IQCJ: variants seen among roughly 807,000 people sequenced by gnomAD.
IQCJ encodes IQ domain-containing protein J.
IQCJ carries 9 observed loss-of-function variants against 11.0 expected under a neutral mutation model. The observed-to-expected ratio is 0.82, with a 90% CI of 0.49 to 1.43. IQCJ has a LOEUF of 1.43. Ranked by LOEUF, IQCJ falls within the 40% of genes most tolerant of loss-of-function variation. The pLI, the probability that IQCJ is intolerant of heterozygous loss-of-function variation, is 0.00. For synonymous variants in IQCJ, 55 were observed against 51.3 expected (o/e 1.07, Z -0.31); for missense variants, 146 against 133.2 (o/e 1.10, Z -0.47).
intron 2 of IQCJ, among the ~76,000 whole-genome samples, chr3:159,248,713 T>C (rs1033047388): frequency 1.3e-5 from 2 of 152,170 alleles, no homozygotes; most frequent in Admixed American, 1.3e-4. Flanking sequence ...GGAGTTGGGG[T>C]TGAGAACCAG....
intron 1 of IQCJ, among the ~76,000 whole-genome samples, chr3:159,082,298 C>T (rs1310100458): frequency 6.6e-6 from 1 of 151,572 alleles, no homozygotes; most frequent in African/African-American, 2.4e-5. Context: ...GATTGTGCTT[C>T]TATTTGCTTT....
chr3:159,160,390 C>T (rs1721770119), intron 1 of IQCJ, among the ~76,000 whole-genome samples: 1 of 151,360 alleles, frequency 6.6e-6, no homozygotes, highest in South Asian at 2.1e-4. Context: ...GCAACCTCTG[C>T]CTCTGGGGTT....
intron 2 of IQCJ, among the ~76,000 whole-genome samples, chr3:159,247,759 G>C (rs1727357648): frequency 6.6e-6 from 1 of 152,176 alleles, no homozygotes; most frequent in Admixed American, 6.5e-5. Context: ...GGGGGAGAAG[G>C]GTTCTAGTTT....
chr3:159,143,339 A>G (rs947262027), intron 1 of IQCJ, among the ~76,000 whole-genome samples: 2 of 152,198 alleles, frequency 1.3e-5, no homozygotes, highest in South Asian at 2.1e-4. Flanking sequence ...GGTTCTTTCT[A>G]TTCTTGAAGA....
At chr3:159,264,330 G>C (rs1728384696), downstream of IQCJ, among the ~76,000 whole-genome samples, 2 of 152,092 alleles carry the variant, frequency 1.3e-5, no homozygotes. Flanking sequence ...TAAGTGTTTT[G>C]TGCATAAATG....
At chr3:159,243,758 A>C (rs1199699707) in intron 1 of IQCJ, among the ~76,000 whole-genome samples, 2 of 152,186 alleles carry the variant, frequency 1.3e-5, no homozygotes, top group Admixed American at 1.3e-4. Flanking sequence ...TGTAAATTAT[A>C]CTCCAATTAA....
At chr3:159,069,570 T>G (rs1357641612) in intron 1 of IQCJ, 129 bp downstream of exon 1, 17 of 1,342,126 alleles carry the variant, frequency 1.3e-5, no homozygotes, top group Non-Finnish European at 1.7e-5. Context: ...TATAGAACAG[T>G]GTGGGCTTAA....
At chr3:159,160,081 A>G (rs560921872) in intron 1 of IQCJ, among the ~76,000 whole-genome samples, 60 of 152,326 alleles carry the variant, frequency 3.9e-4, no homozygotes, top group African/African-American at 1.4e-3. Context: ...AATGACATAA[A>G]GCTATCAAGA....
At chr3:159,072,267 G>C (rs1451324116) in intron 1 of IQCJ, among the ~76,000 whole-genome samples, 1 of 152,052 alleles carries the variant, frequency 6.6e-6, no homozygotes, top group Non-Finnish European at 1.5e-5. Context: ...AGTTAGGGTG[G>C]GGAGGGCATG....
intron 1 of IQCJ, among the ~76,000 whole-genome samples, chr3:159,214,668 T>G: frequency 6.6e-6 from 1 of 152,204 alleles, no homozygotes; most frequent in East Asian, 1.9e-4. Flanking sequence ...CCCTATAACA[T>G]AGGCCCTTTC....
At chr3:159,154,026 C>T (rs1413000992) in intron 1 of IQCJ, among the ~76,000 whole-genome samples, 1 of 152,142 alleles carries the variant, frequency 6.6e-6, no homozygotes, top group Non-Finnish European at 1.5e-5. Context: ...AATGAATTAG[C>T]CATAATAAAT....
intron 1 of IQCJ, among the ~76,000 whole-genome samples, chr3:159,125,900 G>T (rs552472520): frequency 6.6e-6 from 1 of 152,152 alleles, no homozygotes; most frequent in Non-Finnish European, 1.5e-5. Flanking sequence ...TTCCAACCAG[G>T]TTGGAGAAGG....
chr3:159,152,235 G>A (rs1025571391), intron 1 of IQCJ, among the ~76,000 whole-genome samples: 5 of 152,180 alleles, frequency 3.3e-5, no homozygotes, highest in African/African-American at 9.7e-5. Flanking sequence ...GTTCCGTAAC[G>A]TAATGATGGC....
At chr3:159,202,311 T>G (rs1314717499) in intron 1 of IQCJ, among the ~76,000 whole-genome samples, 1 of 152,190 alleles carries the variant, frequency 6.6e-6, no homozygotes, top group East Asian at 1.9e-4. Context: ...AAGGTGAAGA[T>G]AATTTGGTGA....
At chr3:159,224,125 G>A (rs1725706397) in intron 1 of IQCJ, among the ~76,000 whole-genome samples, 1 of 150,822 alleles carries the variant, frequency 6.6e-6, no homozygotes, top group Admixed American at 6.6e-5. Context: ...GTGACACGAA[G>A]TATATAAGCC....
chr3:159,155,127 C>T (rs6805303), intron 1 of IQCJ, among the ~76,000 whole-genome samples: 107,579 of 152,052 alleles, frequency 0.71, 39,446 homozygotes, highest in African/African-American at 0.91. Context: ...GGTTTCTGGC[C>T]GATCTTTAGT....
At chr3:159,141,959 T>G (rs1325884325) in intron 1 of IQCJ, among the ~76,000 whole-genome samples, 1 of 152,238 alleles carries the variant, frequency 6.6e-6, no homozygotes, top group East Asian at 1.9e-4. Flanking sequence ...CTTTTTGTTG[T>G]TGCTAAAGGA....
chr3:159,247,614 G>A (rs148902991), intron 2 of IQCJ, among the ~76,000 whole-genome samples: 21 of 152,230 alleles, frequency 1.4e-4, no homozygotes, highest in African/African-American at 2.6e-4. Context: ...TTGGGCATGG[G>A]GCAAGAACCT....
rs1379960008 is a variant in IQCJ at position 159,257,971 on chromosome 3, G to GTAAGTA, written c.156-4575_156-4570dup. 2.4e-4 allele frequency among the ~76,000 whole-genome samples: 37 copies of GTAAGTA among 152,302 alleles called. 1 individual carries two copies. Among genetic ancestry groups the GTAAGTA allele is most frequent in the African/African-American group, 8.9e-4 (37 of 41,558 alleles). On this transcript the variant is annotated intron_variant, in intron 3 of 3. Coordinates refer to ENST00000397832, the MANE Select transcript of IQCJ (RefSeq NM_001042706.3). ...TGAGACCGGCCAGGACTGTTTGGTTGTAAGTATCAGAAACTCAGCTCAAAC... is the reference window on the plus strand; with the variant it reads ...TGAGACCGGCCAGGACTGTTTGGTTGTAAGTATAAGTATCAGAAACTCAGCTCAAAC...
Sources: gnomAD v4.1 joint callset for allele counts (sites outside exome capture counted in the v4.1 genomes callset) on GRCh38, gnomAD v4.1.1 for gene constraint, MANE v1.5 for transcripts, NCBI Gene and HGNC (gene_info 2026-07-23, HGNC 2026-07-21) for gene names.